The following SH3BGRL2 variants were observed in gnomAD, a reference collection of about 807,000 sequenced individuals.
SH3BGRL2 encodes the protein SH3 domain binding glutamate rich protein like 2.
Under a neutral mutation model 14.8 loss-of-function variants are expected in SH3BGRL2, and 21 were observed. That is an observed-to-expected ratio of 1.42 (90% CI 1.01 to 2.05). The LOEUF (loss-of-function observed/expected upper bound fraction) is 2.05. Ranked by LOEUF, SH3BGRL2 falls within the 30% of genes most tolerant of loss-of-function variation. The pLI is 0.00. For missense variants in SH3BGRL2, 147 were observed against 130.8 expected (o/e 1.12, Z -0.61); for synonymous variants, 50 against 47.8 (o/e 1.05, Z -0.19).
upstream of SH3BGRL2, among the ~76,000 whole-genome samples, chr6:79,627,182 A>C (rs1768750153): frequency 1.3e-5 from 2 of 152,014 alleles, no homozygotes; most frequent in African/African-American, 4.8e-5. Context: ...GCCTCATACC[A>C]TCCCCCTTTA....
chr6:79,654,681 A>G (rs1165432717), intron 1 of SH3BGRL2, among the ~76,000 whole-genome samples: 1 of 152,176 alleles, frequency 6.6e-6, no homozygotes, highest in Non-Finnish European at 1.5e-5. Context: ...CAAGAGGTCT[A>G]GGAGAAATAT....
intron 1 of SH3BGRL2, among the ~76,000 whole-genome samples, chr6:79,655,997 C>CAGTGATATGA (rs1769404973): frequency 6.6e-6 from 1 of 152,130 alleles, no homozygotes; most frequent in Non-Finnish European, 1.5e-5. Context: ...ACTGCCTGGG[C>CAGTGATATGA]CCGGGTATGG....
chr6:79,660,116 T>C (rs1159359066), intron 1 of SH3BGRL2, among the ~76,000 whole-genome samples: 2 of 152,230 alleles, frequency 1.3e-5, no homozygotes, highest in Admixed American at 6.5e-5. Flanking sequence ...CTTTTCCTAA[T>C]TGAATACCCT....
At chr6:79,654,410 G>A (rs1377822344) in intron 1 of SH3BGRL2, among the ~76,000 whole-genome samples, 1 of 152,190 alleles carries the variant, frequency 6.6e-6, no homozygotes, top group Non-Finnish European at 1.5e-5. Flanking sequence ...GTAGCTCAGA[G>A]TTCAGAATCT....
chr6:79,539,528 T>G, the SH3BGRL2 span, among the ~76,000 whole-genome samples: 1 of 152,376 alleles, frequency 6.6e-6, no homozygotes, highest in East Asian at 1.9e-4. Flanking sequence ...ATCCTGGGCT[T>G]CTTCCATTGA....
chr6:79,633,136 G>A (rs1298539586), intron 1 of SH3BGRL2, among the ~76,000 whole-genome samples: 1 of 152,126 alleles, frequency 6.6e-6, no homozygotes, highest in Non-Finnish European at 1.5e-5. Flanking sequence ...TGCCTGCTGT[G>A]TGCCTTTTTA....
chr6:79,626,863 AC>A (rs1768742131), upstream of SH3BGRL2, among the ~76,000 whole-genome samples: 1 of 152,160 alleles, frequency 6.6e-6, no homozygotes, highest in Non-Finnish European at 1.5e-5. Flanking sequence ...ATGAGTTACT[AC>A]CCATGCTTTA....
At chr6:79,693,673 T>C (rs1007110542) in intron 2 of SH3BGRL2, among the ~76,000 whole-genome samples, 45 of 152,218 alleles carry the variant, frequency 3.0e-4, no homozygotes, top group Admixed American at 6.5e-4. Flanking sequence ...TTGATTTGCA[T>C]ATATTGAACC....
chr6:79,606,691 C>T, the SH3BGRL2 span, among the ~76,000 whole-genome samples: 1 of 152,116 alleles, frequency 6.6e-6, no homozygotes, highest in Admixed American at 6.5e-5. Flanking sequence ...GGATAATTTC[C>T]TTTTTCTGGT....
At chr6:79,571,036 GT>G in the SH3BGRL2 span, among the ~76,000 whole-genome samples, 1 of 152,196 alleles carries the variant, frequency 6.6e-6, no homozygotes, top group South Asian at 2.1e-4. Flanking sequence ...GAACTAACCT[GT>G]TTGTTGTTAT....
the SH3BGRL2 span, chr6:79,552,735 G>C: frequency 1.3e-5 from 2 of 152,148 alleles, no homozygotes; most frequent in Non-Finnish European, 2.9e-5. Context: ...TTCATTCCAG[G>C]TGATTTGTAT....
At chr6:79,550,990 C>T in the SH3BGRL2 span, among the ~76,000 whole-genome samples, 1 of 152,108 alleles carries the variant, frequency 6.6e-6, no homozygotes, top group African/African-American at 2.4e-5. Flanking sequence ...AGTGGTCAAG[C>T]GTGCAATGTT....
intron 1 of SH3BGRL2, among the ~76,000 whole-genome samples, chr6:79,633,212 T>C (rs541118496): frequency 1.3e-4 from 20 of 152,342 alleles, no homozygotes; most frequent in Admixed American, 5.2e-4. Flanking sequence ...AGTTTTAGTG[T>C]GGGCCCCAAC....
At chr6:79,669,475 A>T (rs1769728882) in intron 1 of SH3BGRL2, among the ~76,000 whole-genome samples, 1 of 112,860 alleles carries the variant, frequency 8.9e-6, no homozygotes, top group Non-Finnish European at 1.8e-5. Flanking sequence ...TTTTTTTGAG[A>T]CAAAGTTTCG....
intron 1 of SH3BGRL2, among the ~76,000 whole-genome samples, chr6:79,659,469 A>G (rs1216572555): frequency 6.6e-6 from 1 of 152,100 alleles, no homozygotes; most frequent in Non-Finnish European, 1.5e-5. Context: ...GTTATTTCTG[A>G]GGCCTCTGTT....
chr6:79,679,892 A>T (rs1481128797), intron 2 of SH3BGRL2, among the ~76,000 whole-genome samples: 1 of 152,104 alleles, frequency 6.6e-6, no homozygotes, highest in Admixed American at 6.6e-5. Context: ...TGGAAGACGT[A>T]TCTATTCAGG....
intron 1 of SH3BGRL2, among the ~76,000 whole-genome samples, chr6:79,646,313 G>C (rs941062509): frequency 2.0e-5 from 3 of 152,212 alleles, no homozygotes; most frequent in African/African-American, 7.2e-5. Flanking sequence ...CTTCTGATAA[G>C]GTATGACCTG....
chr6:79,618,779 C>T, the SH3BGRL2 span, among the ~76,000 whole-genome samples: 8,070 of 151,428 alleles, frequency 0.053, 283 homozygotes, highest in African/African-American at 0.11. Flanking sequence ...ATTAGCCATG[C>T]GTGGTGGTAT....
At chr6:79,633,739 A>G (rs1280542787) in intron 1 of SH3BGRL2, among the ~76,000 whole-genome samples, 3 of 152,112 alleles carry the variant, frequency 2.0e-5, no homozygotes, top group Non-Finnish European at 2.9e-5. Flanking sequence ...AGTCTCCCCA[A>G]TTGTAGTTTT....
Sources: gnomAD v4.1 joint callset for allele counts (sites outside exome capture counted in the v4.1 genomes callset) on GRCh38, gnomAD v4.1.1 for gene constraint, MANE v1.5 for transcripts, NCBI Gene and HGNC (gene_info 2026-07-23, HGNC 2026-07-21) for gene names.